The following LPIN1 variants were observed in gnomAD, a reference collection of about 807,000 sequenced individuals.
The protein encoded by LPIN1 is lipin 1.
A neutral mutation model predicts 107.5 loss-of-function variants in LPIN1; 71 were observed. The observed-to-expected ratio is 0.66, with a 90% CI of 0.55 to 0.80. The LOEUF (loss-of-function observed/expected upper bound fraction) is 0.80. LPIN1 is among the 30% of genes least tolerant of loss of function. The pLI, the probability that LPIN1 is intolerant of heterozygous loss-of-function variation, is 0.00. For missense variants in LPIN1, 1,043 were observed against 1,160.6 expected, an observed-to-expected ratio of 0.90 and a Z score of 1.47; for synonymous variants, 445 against 452.6, an observed-to-expected ratio of 0.98 and a Z score of 0.21.
chr2:11,720,398 G>T (rs567959928), upstream of LPIN1, among the ~76,000 whole-genome samples: 2 of 152,252 alleles, frequency 1.3e-5, no homozygotes, highest in East Asian at 1.9e-4. Flanking sequence ...GCATCTGTCT[G>T]CTGGGAAGTA....
At chr2:11,810,661 A>T (rs1679493141) in intron 17 of LPIN1, among the ~76,000 whole-genome samples, 1 of 152,158 alleles carries the variant, frequency 6.6e-6, no homozygotes, top group Admixed American at 6.5e-5. Context: ...GGCAGTGTCC[A>T]GAGATGCTTT....
intron 1 of LPIN1, among the ~76,000 whole-genome samples, chr2:11,689,895 A>G (rs1662187728): frequency 6.6e-6 from 1 of 152,116 alleles, no homozygotes; most frequent in Non-Finnish European, 1.5e-5. Flanking sequence ...ACAGGGTGAG[A>G]CTCTGTCTCA....
At chr2:11,703,843 T>C (rs1207357804) in intron 1 of LPIN1, among the ~76,000 whole-genome samples, 1 of 152,178 alleles carries the variant, frequency 6.6e-6, no homozygotes, top group Admixed American at 6.5e-5. Context: ...TTATTATAGC[T>C]CATGATTTAA....
intron 12 of LPIN1, chr2:11,791,582 G>A: frequency 9.9e-7 from 1 of 1,013,920 alleles, no homozygotes; most frequent in Non-Finnish European, 1.3e-6. Context: ...TAACCAGTTA[G>A]CCACTTTAAT....
intron 1 of LPIN1, chr2:11,682,953 T>C (rs1002207508): frequency 1.3e-5 from 2 of 152,188 alleles, no homozygotes; most frequent in Non-Finnish European, 2.9e-5. Flanking sequence ...CAAAGCACCT[T>C]AGTGTGTAGG....
chr2:11,752,433 A>ATTGTTTTTTT (rs1667945252), intron 1 of LPIN1, among the ~76,000 whole-genome samples: 4 of 103,912 alleles, frequency 3.8e-5, no homozygotes, highest in East Asian at 2.2e-4. Flanking sequence ...TTCCAAGGCC[A>ATTGTTTTTTT]TTTTTTTTTT....
At chr2:11,801,588 C>T (rs1488252884) in intron 14 of LPIN1, among the ~76,000 whole-genome samples, 1 of 151,866 alleles carries the variant, frequency 6.6e-6, no homozygotes, top group Non-Finnish European at 1.5e-5. Flanking sequence ...ATGGTGGTTA[C>T]CAGAGCTGGG....
chr2:11,748,392 CAGATGTAGAA>C (rs1243240740), intron 1 of LPIN1, among the ~76,000 whole-genome samples: 1 of 152,234 alleles, frequency 6.6e-6, no homozygotes, highest in African/African-American at 2.4e-5. Context: ...TGACCACTCA[CAGATGTAGAA>C]CTTGGGCAGA....
intron 1 of LPIN1, among the ~76,000 whole-genome samples, chr2:11,688,676 C>G (rs1662129783): frequency 6.6e-6 from 1 of 152,124 alleles, no homozygotes; most frequent in South Asian, 2.1e-4. Context: ...GGAGTGTTGA[C>G]AAATGGAAAA....
At chr2:11,710,278 G>A (rs1663342151) in intron 1 of LPIN1, among the ~76,000 whole-genome samples, 1 of 152,086 alleles carries the variant, frequency 6.6e-6, no homozygotes, top group South Asian at 2.1e-4. Flanking sequence ...AGGGGTGTGG[G>A]TGGGGACACA....
Position 11,786,604 on chromosome 2 carries a change from A to G in LPIN1, c.1550-470A>G, listed in dbSNP as rs796294256. Among the ~76,000 whole-genome samples the G allele has an allele frequency of 1.3e-5, 2 of 152,080 alleles. No homozygotes were observed. The highest frequency in any genetic ancestry group is 4.8e-5 in the African/African-American group (2 of 41,398). On this transcript the variant is annotated intron_variant, in intron 10 of 20. Transcript: ENST00000674199. This position sits in a 1 kb window ranked among gnomAD's most constrained non-coding sequence, Gnocchi z 4.1. ...GGGCCCTGTGCTTTCTATTTACGACATTATCAGTCCCCATGACCACCCTAG... is the reference window on the plus strand; with the variant it reads ...GGGCCCTGTGCTTTCTATTTACGACGTTATCAGTCCCCATGACCACCCTAG...
At chr2:11,702,811 C>T (rs1177860481) in intron 1 of LPIN1, among the ~76,000 whole-genome samples, 3 of 152,154 alleles carry the variant, frequency 2.0e-5, no homozygotes, top group Non-Finnish European at 4.4e-5. Flanking sequence ...TGTCTCTCCT[C>T]ACTATGGCAC....
chr2:11,741,814 A>C (rs1334544545), upstream of LPIN1, among the ~76,000 whole-genome samples: 1 of 151,990 alleles, frequency 6.6e-6, no homozygotes, highest in Non-Finnish European at 1.5e-5. Context: ...CATCTCAAAA[A>C]CAAAACCAAA....
intron 1 of LPIN1, among the ~76,000 whole-genome samples, chr2:11,699,865 T>C (rs1174889445): frequency 5.9e-5 from 9 of 152,126 alleles, no homozygotes; most frequent in Non-Finnish European, 1.2e-4. Flanking sequence ...GAGGAGCCGG[T>C]TGGCTGGACA....
At chr2:11,770,938 C>T (rs769429071) in intron 3 of LPIN1, among the ~76,000 whole-genome samples, 3 of 148,998 alleles carry the variant, frequency 2.0e-5, no homozygotes, top group African/African-American at 4.9e-5. Context: ...ATACACAATA[C>T]ACATTCTCTG....
intron 1 of LPIN1, among the ~76,000 whole-genome samples, chr2:11,733,758 C>T (rs1430087106): frequency 6.6e-6 from 1 of 152,190 alleles, no homozygotes; most frequent in Non-Finnish European, 1.5e-5. Context: ...TCCCAAAGTG[C>T]TGGGATTACA....
intron 1 of LPIN1, chr2:11,724,544 G>A (rs995709987): frequency 2.3e-5 from 23 of 985,508 alleles, no homozygotes; most frequent in Non-Finnish European, 2.5e-5. Flanking sequence ...ACCCAGGTTC[G>A]CATGAGCAGG....
At chr2:11,755,831 C>G (rs759987682) in intron 1 of LPIN1, among the ~76,000 whole-genome samples, 1 of 152,042 alleles carries the variant, frequency 6.6e-6, no homozygotes, top group African/African-American at 2.4e-5. Context: ...AAGCGACTCT[C>G]CTGCCTCAGC....
At chr2:11,781,806 G>A (rs1452881522) in intron 7 of LPIN1, among the ~76,000 whole-genome samples, 1 of 152,188 alleles carries the variant, frequency 6.6e-6, no homozygotes, top group Admixed American at 6.5e-5. Context: ...CTCCCTGCAA[G>A]GGGAAACTTG....
Sources: gnomAD v4.1 joint callset for allele counts (sites outside exome capture counted in the v4.1 genomes callset) on GRCh38, gnomAD v4.1.1 for gene constraint, Gnocchi (gnomAD v3.1) non-coding constraint, MANE v1.5 for transcripts, NCBI Gene and HGNC (gene_info 2026-07-23, HGNC 2026-07-21) for gene names.